The following KCTD1 variants were observed in gnomAD, a reference collection of about 807,000 sequenced individuals.
KCTD1 encodes the protein BTB/POZ domain-containing protein KCTD1.
Under a neutral mutation model 66.0 loss-of-function variants are expected in KCTD1, and 24 were observed. The observed-to-expected ratio is 0.36, with a 90% confidence interval of 0.26 to 0.51. KCTD1 has a LOEUF of 0.51. KCTD1 is among the 20% of genes least tolerant of loss of function. The pLI is 0.95. For missense variants in KCTD1, 943 were observed against 1,205.2 expected, an observed-to-expected ratio of 0.78 and a Z score of 3.22; for synonymous variants, 511 against 517.2, an observed-to-expected ratio of 0.99 and a Z score of 0.16.
chr18:26,535,107 T>TGGGGTGGGG (rs1555639965), intron 1 of KCTD1, among the ~76,000 whole-genome samples: 2 of 56,604 alleles, frequency 3.5e-5, no homozygotes, highest in Non-Finnish European at 6.8e-5. Flanking sequence ...GGCCTGGGGT[T>TGGGGTGGGG]GGGGGGTGGG....
chr18:26,462,734 A>G (rs1980503260), intron 3 of KCTD1, among the ~76,000 whole-genome samples: 2 of 152,166 alleles, frequency 1.3e-5, no homozygotes, highest in East Asian at 3.8e-4. Flanking sequence ...AGTCAGTCCC[A>G]TTGGCTACTG....
chr18:26,592,917 G>A (rs1044755495), intron 1 of KCTD1, among the ~76,000 whole-genome samples: 1 of 152,174 alleles, frequency 6.6e-6, no homozygotes, highest in Admixed American at 6.5e-5. Flanking sequence ...CTGTGACATA[G>A]TATTTTGCAG....
At chr18:26,657,034 C>T (rs1988168110) in intron 1 of KCTD1, among the ~76,000 whole-genome samples, 1 of 150,956 alleles carries the variant, frequency 6.6e-6, no homozygotes, top group Non-Finnish European at 1.5e-5. Context: ...GAACCCGGCC[C>T]AGAGATCCGG....
chr18:26,467,582 G>A (rs1427715173), intron 3 of KCTD1, among the ~76,000 whole-genome samples: 1 of 152,004 alleles, frequency 6.6e-6, no homozygotes, highest in African/African-American at 2.4e-5. Context: ...TTGGGAGGCC[G>A]AGGTGGGTGG....
chr18:26,635,497 T>G (rs995061415), intron 1 of KCTD1, among the ~76,000 whole-genome samples: 9 of 152,228 alleles, frequency 5.9e-5, no homozygotes, highest in African/African-American at 2.2e-4. Flanking sequence ...TGGAACCTAA[T>G]GTTTGTTTGA....
intron 1 of KCTD1, among the ~76,000 whole-genome samples, chr18:26,533,253 GATA>G (rs1374651033): frequency 6.6e-6 from 1 of 152,210 alleles, no homozygotes; most frequent in Non-Finnish European, 1.5e-5. Flanking sequence ...TTATGATGCA[GATA>G]ATGTTTGCTG....
chr18:26,579,957 TA>T (rs1986315556), intron 1 of KCTD1, among the ~76,000 whole-genome samples: 1 of 152,162 alleles, frequency 6.6e-6, no homozygotes, highest in Non-Finnish European at 1.5e-5. Flanking sequence ...TCTATCTACT[TA>T]GCAGTGTGGA....
At chr18:26,507,644 ACATTCATTTC>A (rs1983111301) in intron 1 of KCTD1, among the ~76,000 whole-genome samples, 1 of 151,938 alleles carries the variant, frequency 6.6e-6, no homozygotes, top group Non-Finnish European at 1.5e-5. Context: ...CCTCACAAAC[ACATTCATTTC>A]CCTCTCCCTT....
At chr18:26,530,997 G>A (rs746503878) in intron 1 of KCTD1, among the ~76,000 whole-genome samples, 6 of 152,102 alleles carry the variant, frequency 3.9e-5, no homozygotes, top group African/African-American at 1.2e-4. Context: ...TACTTAGTAC[G>A]CACCAACCAC....
chr18:26,491,483 C>T (rs1171464529), intron 2 of KCTD1, among the ~76,000 whole-genome samples: 1 of 152,204 alleles, frequency 6.6e-6, no homozygotes, highest in East Asian at 1.9e-4. Flanking sequence ...CAGGCTTGCA[C>T]ACTGGACATG....
chr18:26,495,664 T>C (rs184913536), intron 2 of KCTD1, among the ~76,000 whole-genome samples: 2 of 152,130 alleles, frequency 1.3e-5, no homozygotes, highest in East Asian at 3.9e-4. Context: ...GTACTGGGTT[T>C]AAAATATACA....
chr18:26,563,094 C>T (rs1985898982), intron 1 of KCTD1, among the ~76,000 whole-genome samples: 1 of 152,158 alleles, frequency 6.6e-6, no homozygotes. Flanking sequence ...TCCTTTATGT[C>T]AAATCCATTC....
intron 1 of KCTD1, among the ~76,000 whole-genome samples, chr18:26,532,127 G>A (rs1021300640): frequency 1.3e-5 from 2 of 152,116 alleles, no homozygotes; most frequent in African/African-American, 2.4e-5. Flanking sequence ...AAGGCAGGAT[G>A]TAATCACACC....
At chr18:26,515,277 A>G (rs541887879) in intron 1 of KCTD1, among the ~76,000 whole-genome samples, 1 of 152,314 alleles carries the variant, frequency 6.6e-6, no homozygotes, top group Non-Finnish European at 1.5e-5. Context: ...TGACCCTTGT[A>G]AGGTCCAGAG....
At chr18:26,577,358 A>G (rs1986248150) in intron 1 of KCTD1, among the ~76,000 whole-genome samples, 1 of 152,196 alleles carries the variant, frequency 6.6e-6, no homozygotes, top group Non-Finnish European at 1.5e-5. Flanking sequence ...TTATCTGCTA[A>G]TGACACCTCC....
upstream of KCTD1, among the ~76,000 whole-genome samples, chr18:26,642,792 G>T (rs934357151): frequency 2.0e-5 from 3 of 147,664 alleles, no homozygotes; most frequent in African/African-American, 7.4e-5. Flanking sequence ...TCTACGTTTT[G>T]TAATGCTGTC....
At chr18:26,505,976 A>G (rs1983012980) in intron 1 of KCTD1, among the ~76,000 whole-genome samples, 2 of 152,032 alleles carry the variant, frequency 1.3e-5, no homozygotes, top group Non-Finnish European at 2.9e-5. Context: ...CCCAGGTTCA[A>G]GCAATTTTCA....
intron 1 of KCTD1, among the ~76,000 whole-genome samples, chr18:26,564,137 C>G (rs1265616492): frequency 6.6e-6 from 1 of 151,840 alleles, no homozygotes; most frequent in African/African-American, 2.4e-5. Context: ...ACCCATTTGG[C>G]TGTAAGCTCC....
intron 3 of KCTD1, among the ~76,000 whole-genome samples, chr18:26,461,384 C>T (rs1980415705): frequency 6.6e-6 from 1 of 152,212 alleles, no homozygotes; most frequent in Non-Finnish European, 1.5e-5. Context: ...CTGGCAACCC[C>T]CTTACCACAG....
Sources: gnomAD v4.1 joint callset for allele counts (sites outside exome capture counted in the v4.1 genomes callset) on GRCh38, gnomAD v4.1.1 for gene constraint, MANE v1.5 for transcripts, NCBI Gene and HGNC (gene_info 2026-07-23, HGNC 2026-07-21) for gene names.